SLC39A8: variants seen among roughly 807,000 people sequenced by gnomAD.
SLC39A8 encodes the protein solute carrier family 39 member 8.
In SLC39A8, 15 loss-of-function variants were observed where a neutral mutation model predicts 40.4. That is an observed-to-expected ratio of 0.37 (90% CI 0.25 to 0.57). SLC39A8 has a LOEUF of 0.57. SLC39A8 is among the 20% of genes least tolerant of loss of function. The pLI is 0.75. For missense variants in SLC39A8, 472 were observed against 558.8 expected (o/e 0.84, Z 1.57); for synonymous variants, 223 against 221.6 (o/e 1.01, Z -0.06).
chr4:102,338,101 C>T (rs1387744940), intron 2 of SLC39A8, among the ~76,000 whole-genome samples: 1 of 151,836 alleles, frequency 6.6e-6, no homozygotes, highest in Non-Finnish European at 1.5e-5. Context: ...CATATATGGC[C>T]TTGTGATATG....
chr4:102,322,359 G>A (rs530163925), intron 2 of SLC39A8, among the ~76,000 whole-genome samples: 31 of 152,112 alleles, frequency 2.0e-4, no homozygotes, highest in African/African-American at 5.5e-4. Flanking sequence ...ATTCCCTTTC[G>A]GCTTAAGCTA....
intron 8 of SLC39A8, among the ~76,000 whole-genome samples, chr4:102,266,667 G>A (rs559903591): frequency 3.6e-4 from 54 of 149,508 alleles, no homozygotes; most frequent in Non-Finnish European, 6.9e-4. Flanking sequence ...GAGTACAGTG[G>A]CACAATCTCG....
intron 3 of SLC39A8, among the ~76,000 whole-genome samples, chr4:102,312,821 A>C (rs1734489874): frequency 6.6e-6 from 1 of 152,146 alleles, no homozygotes; most frequent in East Asian, 1.9e-4. Flanking sequence ...AGGCAGGAAA[A>C]GGTTAAAGTC....
chr4:102,285,920 A>G (rs62327945), intron 6 of SLC39A8, among the ~76,000 whole-genome samples: 15,058 of 152,206 alleles, frequency 0.099, 839 homozygotes, highest in South Asian at 0.17. Context: ...ATCTTTCATC[A>G]TGCAATCCAC....
rs145104785 is a variant in SLC39A8 at position 102,284,148 on chromosome 4, G to A, written c.841-16069C>T. On this transcript the variant is annotated intron_variant, in intron 6 of 8. Coordinates refer to ENST00000356736, the MANE Select transcript of SLC39A8 (RefSeq NM_001135146.2). ...ATGTATGGGGTACAACTATAATTTT[G>A]TTACATGTATAGATTGAGTAGTGGT... 8.7e-3 allele frequency among the ~76,000 whole-genome samples: 1,326 copies of A among 152,264 alleles called. 9 individuals are homozygous for A. Among genetic ancestry groups the A allele is most frequent in the Admixed American group, 0.022 (343 of 15,274 alleles).
chr4:102,298,387 C>T (rs922735581), intron 6 of SLC39A8, among the ~76,000 whole-genome samples: 3 of 151,970 alleles, frequency 2.0e-5, no homozygotes, highest in African/African-American at 7.2e-5. Context: ...CCCAGAATTT[C>T]TCCTCATGAT....
intron 6 of SLC39A8, among the ~76,000 whole-genome samples, chr4:102,280,655 T>C (rs923754607): frequency 6.6e-6 from 1 of 152,188 alleles, no homozygotes; most frequent in Non-Finnish European, 1.5e-5. Context: ...AAAAGAGAAA[T>C]TATTTATCCT....
chr4:102,310,778 G>A (rs148544380), intron 3 of SLC39A8, among the ~76,000 whole-genome samples: 17 of 152,198 alleles, frequency 1.1e-4, no homozygotes, highest in African/African-American at 3.6e-4. Context: ...CCATATATAC[G>A]TGGGACTTTC....
At position 102,298,682 on chromosome 4, in the gene SLC39A8, G is replaced by A. The variant is rs116100796; in HGVS notation, c.840+5635C>T. Among the ~76,000 whole-genome samples the A allele has an allele frequency of 6.3e-3, 962 of 151,982 alleles. 6 individuals are homozygous for A. The highest frequency in any genetic ancestry group is 0.017 in the African/African-American group (710 of 41,470). ...CCTCTTGAAGCTATGTCCTTATAAAGGAATAAAGACATAAAACTGCAAGGA... is the reference window on the plus strand; with the variant it reads ...CCTCTTGAAGCTATGTCCTTATAAAAGAATAAAGACATAAAACTGCAAGGA... On this transcript the variant is annotated intron_variant, in intron 6 of 8. Coordinates refer to ENST00000356736, the MANE Select transcript of SLC39A8 (RefSeq NM_001135146.2).
intron 6 of SLC39A8, among the ~76,000 whole-genome samples, chr4:102,292,198 C>A (rs926765376): frequency 6.6e-6 from 1 of 151,906 alleles, no homozygotes; most frequent in Non-Finnish European, 1.5e-5. Context: ...ACTTTACATG[C>A]TTTCACAACA....
chr4:102,331,351 A>G (rs781164306), intron 2 of SLC39A8, among the ~76,000 whole-genome samples: 5 of 152,214 alleles, frequency 3.3e-5, no homozygotes, highest in Admixed American at 3.3e-4. Context: ...ATGTGCTAAA[A>G]TCACAAGCAT....
intron 7 of SLC39A8, 54 bp downstream of exon 7, chr4:102,267,818 T>A: frequency 6.3e-7 from 1 of 1,590,106 alleles, no homozygotes; most frequent in Non-Finnish European, 8.6e-7. Flanking sequence ...AAAGTCTCAT[T>A]CCACTGAAAT....
chr4:102,312,462 C>T (rs1734473561), intron 3 of SLC39A8, among the ~76,000 whole-genome samples: 1 of 152,128 alleles, frequency 6.6e-6, no homozygotes, highest in South Asian at 2.1e-4. Context: ...CTGCTTCTGA[C>T]TTCCCAGTTC....
At chr4:102,256,207 C>T (rs541318125) in intron 11 of SLC39A8, among the ~76,000 whole-genome samples, 78 of 152,138 alleles carry the variant, frequency 5.1e-4, no homozygotes, top group Non-Finnish European at 1.1e-3. Flanking sequence ...ATGGGTGGAA[C>T]GTCTCAGCAA....
chr4:102,322,975 C>T (rs1340669673), intron 2 of SLC39A8, among the ~76,000 whole-genome samples: 2 of 152,218 alleles, frequency 1.3e-5, no homozygotes, highest in Admixed American at 1.3e-4. Context: ...CTACCCTGCG[C>T]TGCCCTGCCA....
At position 102,262,324 on chromosome 4, in the gene SLC39A8, T is replaced by C; in HGVS notation, c.*720A>G. On this transcript the variant is annotated 3_prime_UTR_variant, in exon 9 of 9. Transcript: ENST00000356736. ...ATTTGTGAGGGGTGCAACCACAACATAAGTCAGAAAAAAAGCTATCCAGCT... is the reference window on the plus strand; with the variant it reads ...ATTTGTGAGGGGTGCAACCACAACACAAGTCAGAAAAAAAGCTATCCAGCT... 1.0e-6 allele frequency: 1 copy of C among 985,566 alleles called. No individual in the cohort carries two copies. 61.1% of individuals were successfully genotyped at this position (985,566 alleles called of 1,614,324 possible).
intron 11 of SLC39A8, among the ~76,000 whole-genome samples, chr4:102,254,363 A>G (rs1158209062): frequency 2.0e-5 from 3 of 152,234 alleles, no homozygotes; most frequent in African/African-American, 7.2e-5. Context: ...TTTATTGAAC[A>G]AATGAATTCA....
chr4:102,262,035 A>T lies in SLC39A8; in HGVS notation c.*1009T>A, dbSNP rs1731885460. On this transcript the variant is annotated 3_prime_UTR_variant, in exon 9 of 9. Coordinates refer to ENST00000356736, the MANE Select transcript of SLC39A8 (RefSeq NM_001135146.2). The stretch of plus-strand genomic sequence containing the variant: ...TATGGAAAAGTATAGGCTGAACACA[A>T]AGGAAGTCTTTTCTGAATGGCTCTC... 1.0e-6 allele frequency: 1 copy of T among 985,826 alleles called. No individual in the cohort carries two copies. The highest frequency in any genetic ancestry group is 4.7e-5 in the South Asian group (1 of 21,296). 61.1% of individuals were successfully genotyped at this position (985,826 alleles called of 1,614,324 possible).
downstream of SLC39A8, among the ~76,000 whole-genome samples, chr4:102,257,299 C>T (rs1197869134): frequency 6.6e-6 from 1 of 151,666 alleles, no homozygotes; most frequent in Non-Finnish European, 1.5e-5. Context: ...TACAGGTGTC[C>T]GCCACCACCC....
Sources: gnomAD v4.1 joint callset for allele counts (sites outside exome capture counted in the v4.1 genomes callset) on GRCh38, gnomAD v4.1.1 for gene constraint, MANE v1.5 for transcripts, NCBI Gene and HGNC (gene_info 2026-07-23, HGNC 2026-07-21) for gene names.